Variants in CHODL observed in about 807,000 individuals in gnomAD.
The protein encoded by CHODL is transmembrane protein MT75.
In CHODL, 29 loss-of-function variants were observed where a neutral mutation model predicts 34.5. The ratio of observed to expected loss-of-function variants is 0.84; its 90% CI spans 0.63 to 1.15. The LOEUF (loss-of-function observed/expected upper bound fraction) is 1.15, where lower values mean the gene tolerates loss of function less well. Ranked by LOEUF, CHODL falls within the 50% of genes most tolerant of loss-of-function variation. The pLI, the probability that CHODL is intolerant of heterozygous loss-of-function variation, is 0.00. For synonymous variants in CHODL, 125 were observed against 116.1 expected, an observed-to-expected ratio of 1.08 and a Z score of -0.49; for missense variants, 332 against 332.5, an observed-to-expected ratio of 1.00 and a Z score of 0.01.
At chr21:18,132,638 C>T (rs1297529637) in intron 2 of CHODL, among the ~76,000 whole-genome samples, 1 of 152,128 alleles carries the variant, frequency 6.6e-6, no homozygotes, top group Non-Finnish European at 1.5e-5. Flanking sequence ...GTTACATTCT[C>T]AGCATAGGAG....
intron 2 of CHODL, among the ~76,000 whole-genome samples, chr21:18,137,723 A>G (rs1424184927): frequency 6.6e-6 from 1 of 152,174 alleles, no homozygotes; most frequent in African/African-American, 2.4e-5. Context: ...TAAAAATAAC[A>G]ACGATGGTAT....
At chr21:18,062,693 G>C (rs900426598) in intron 2 of CHODL, among the ~76,000 whole-genome samples, 8 of 152,102 alleles carry the variant, frequency 5.3e-5, no homozygotes, top group Non-Finnish European at 8.8e-5. Context: ...TTGAACCCAG[G>C]AGACGGAGGT....
intron 2 of CHODL, among the ~76,000 whole-genome samples, chr21:18,041,191 G>T (rs1049416711): frequency 2.6e-5 from 4 of 151,794 alleles, no homozygotes. Flanking sequence ...GGTGTTATTG[G>T]CCTGTCATAG....
chr21:18,064,762 TGC>T (rs968186106), intron 2 of CHODL, among the ~76,000 whole-genome samples: 11 of 152,032 alleles, frequency 7.2e-5, no homozygotes, highest in Admixed American at 2.6e-4. Flanking sequence ...CACACACACA[TGC>T]GCGCACACAC....
At chr21:18,008,157 AAAAAG>A (rs1339425844) in intron 1 of CHODL, among the ~76,000 whole-genome samples, 1 of 152,000 alleles carries the variant, frequency 6.6e-6, no homozygotes, top group Admixed American at 6.6e-5. Context: ...TTTTTTTAAA[AAAAAG>A]CTTTATTGAA....
At chr21:18,183,797 T>G (rs751875985) in intron 2 of CHODL, among the ~76,000 whole-genome samples, 2 of 127,726 alleles carry the variant, frequency 1.6e-5, no homozygotes, top group Non-Finnish European at 3.0e-5. Context: ...AGGTTGGAAC[T>G]CTGTGTTCAA....
intron 2 of CHODL, among the ~76,000 whole-genome samples, chr21:18,234,045 A>G (rs564404955): frequency 6.6e-6 from 1 of 152,300 alleles, no homozygotes; most frequent in South Asian, 2.1e-4. Flanking sequence ...GAAATTTACC[A>G]TGTCCAAGGC....
chr21:18,243,668 C>T (rs912982724), upstream of CHODL, among the ~76,000 whole-genome samples: 8 of 151,814 alleles, frequency 5.3e-5, no homozygotes, highest in African/African-American at 1.2e-4. Context: ...GGACTCCAGA[C>T]GGAGCTAGAA....
chr21:18,026,477 T>C (rs926555407), intron 1 of CHODL, among the ~76,000 whole-genome samples: 9 of 123,564 alleles, frequency 7.3e-5, no homozygotes, highest in Admixed American at 1.6e-4. Context: ...AGATTTGTAA[T>C]TAAAAATGAA....
chr21:17,945,073 A>T (rs920910300), intron 1 of CHODL, among the ~76,000 whole-genome samples: 1 of 151,920 alleles, frequency 6.6e-6, no homozygotes, highest in Non-Finnish European at 1.5e-5. Flanking sequence ...TTAGCCGGGC[A>T]TGGTGGCAGG....
intron 2 of CHODL, among the ~76,000 whole-genome samples, chr21:18,044,003 A>T (rs542724205): frequency 1.3e-5 from 2 of 151,966 alleles, no homozygotes; most frequent in African/African-American, 4.8e-5. Context: ...GCCACAACAC[A>T]TGGGGATTAT....
At chr21:18,067,763 G>T (rs2064748846) in intron 2 of CHODL, among the ~76,000 whole-genome samples, 1 of 152,052 alleles carries the variant, frequency 6.6e-6, no homozygotes, top group Admixed American at 6.6e-5. Flanking sequence ...TGTTTATAAG[G>T]TTCTCTGAGC....
At chr21:17,992,942 G>A (rs1395861858) in intron 1 of CHODL, among the ~76,000 whole-genome samples, 3 of 151,910 alleles carry the variant, frequency 2.0e-5, no homozygotes, top group East Asian at 1.9e-4. Context: ...TGTGAGCCAC[G>A]GCGCCCGGCC....
At chr21:18,179,870 T>C (rs2073361366) in intron 2 of CHODL, among the ~76,000 whole-genome samples, 1 of 152,236 alleles carries the variant, frequency 6.6e-6, no homozygotes, top group Non-Finnish European at 1.5e-5. Context: ...TATTTATGTA[T>C]TTTAATTGTG....
Position 18,260,285 on chromosome 21 carries a change from A to G in CHODL, c.633A>G (p.Ala211=). Residue 211 remains alanine, a splice_region_variant and synonymous_variant, in exon 4 of 6, where the codon GCA becomes GCG. Transcript: ENST00000299295. ...ATCAGAATGTGGTTGTTACTGAAGCAGGTAATTACTTCATGTGTCTTTAAC... is the reference window on the plus strand; with the variant it reads ...ATCAGAATGTGGTTGTTACTGAAGCGGGTAATTACTTCATGTGTCTTTAAC... ...DTHQNVVVTE[A]GIIPNLIYVV... 6.4e-7 allele frequency: 1 copy of G among 1,571,456 alleles called. No individual in the cohort carries two copies.
At chr21:18,099,702 C>T (rs2065187854) in intron 2 of CHODL, among the ~76,000 whole-genome samples, 1 of 151,982 alleles carries the variant, frequency 6.6e-6, no homozygotes, top group South Asian at 2.1e-4. Context: ...ACCTCAATAC[C>T]AATCAAATTA....
chr21:18,174,994 T>C (rs1185343265), intron 2 of CHODL, among the ~76,000 whole-genome samples: 1 of 152,234 alleles, frequency 6.6e-6, no homozygotes, highest in African/African-American at 2.4e-5. Context: ...CCCCCTTGTT[T>C]CTTTATTTGT....
chr21:18,092,452 C>T (rs1025627933), intron 2 of CHODL, among the ~76,000 whole-genome samples: 14 of 152,140 alleles, frequency 9.2e-5, no homozygotes, highest in African/African-American at 2.9e-4. Flanking sequence ...TCAAAACCAT[C>T]CAGGAAAACA....
chr21:18,067,548 C>A (rs933094881), intron 2 of CHODL, among the ~76,000 whole-genome samples: 1 of 152,158 alleles, frequency 6.6e-6, no homozygotes, highest in Non-Finnish European at 1.5e-5. Context: ...TTGAAAGAAC[C>A]AATCCTGAAA....
Sources: allele counts gnomAD v4.1 joint callset (sites outside exome capture counted in the v4.1 genomes callset), GRCh38; gene constraint gnomAD v4.1.1; transcripts MANE v1.5; gene names NCBI Gene and HGNC (gene_info 2026-07-23, HGNC 2026-07-21).